The following ADAMTS17 variants were observed in gnomAD, a reference collection of about 807,000 sequenced individuals.
ADAMTS17 encodes A disintegrin and metalloproteinase with thrombospondin motifs 17.
In ADAMTS17, 113 loss-of-function variants were observed where a neutral mutation model predicts 141.5. That is an observed-to-expected ratio of 0.80 (90% confidence interval 0.69 to 0.93). ADAMTS17 has a LOEUF of 0.93. ADAMTS17 is among the 40% of genes least tolerant of loss of function. The probability of loss-of-function intolerance (pLI) is 0.00; values close to 1 mark genes in which losing one functional copy is unlikely to be tolerated. For missense variants in ADAMTS17, 1,659 were observed against 1,517.9 expected (o/e 1.09, Z -1.54); for synonymous variants, 768 against 630.6 (o/e 1.22, Z -3.27).
chr15:100,016,016 T>A (rs192084990), intron 18 of ADAMTS17, among the ~76,000 whole-genome samples: 1 of 152,368 alleles, frequency 6.6e-6, no homozygotes, highest in African/African-American at 2.4e-5. Context: ...TTCTTAGGTT[T>A]GGTTGTTTAA....
chr15:100,107,562 A>G (rs1457824471), intron 14 of ADAMTS17, among the ~76,000 whole-genome samples: 1 of 152,032 alleles, frequency 6.6e-6, no homozygotes, highest in Non-Finnish European at 1.5e-5. Flanking sequence ...ATGTTGAATC[A>G]CCAGCCCTCA....
At chr15:100,050,401 G>A (rs1010727469) in intron 17 of ADAMTS17, among the ~76,000 whole-genome samples, 7 of 152,178 alleles carry the variant, frequency 4.6e-5, no homozygotes, top group Admixed American at 1.3e-4. Flanking sequence ...CGGCACAAGC[G>A]GCAGCTAAGG....
chr15:100,213,843 A>T (rs1452935780), intron 7 of ADAMTS17, among the ~76,000 whole-genome samples: 1 of 152,250 alleles, frequency 6.6e-6, no homozygotes, highest in Non-Finnish European at 1.5e-5. Flanking sequence ...GAGAAGGGCC[A>T]TCTGGCCCCG....
chr15:100,140,510 C>CATATATATATATATATATATATATAT (rs1380147908), intron 10 of ADAMTS17, among the ~76,000 whole-genome samples: 3 of 75,174 alleles, frequency 4.0e-5, no homozygotes, highest in Non-Finnish European at 6.5e-5. Flanking sequence ...TATATATATC[C>CATATATATATATATATATATATATAT]AGTAAAGACG....
rs1246646105 is a variant in ADAMTS17, at chr15:99,986,836, ACAACGAT to A, written c.2949+6205_2949+6211del. Reference sequence around the variant, plus strand: ...TAGACCCGGCATTCAGTGGGTGAAAACAACGATCAGCATTGTTTTCTGGAAAGAGCTA... The same window carrying A: ...TAGACCCGGCATTCAGTGGGTGAAAACAGCATTGTTTTCTGGAAAGAGCTA... On this transcript the variant is annotated intron_variant, in intron 20 of 21. Coordinates refer to ENST00000268070, the MANE Select transcript of ADAMTS17 (RefSeq NM_139057.4). Among the ~76,000 whole-genome samples, 10 of 152,232 alleles carry A rather than the reference ACAACGAT, an allele frequency of 6.6e-5. No individual in the cohort carries two copies. The East Asian group carries it at 1.9e-3, about 29-fold the overall frequency.
chr15:100,235,407 A>C (rs2042625089), intron 7 of ADAMTS17, among the ~76,000 whole-genome samples: 1 of 152,076 alleles, frequency 6.6e-6, no homozygotes, highest in Non-Finnish European at 1.5e-5. Flanking sequence ...ATGCACACAC[A>C]TACGGCCAGT....
Position 99,974,514 on chromosome 15 carries a change from C to G in ADAMTS17, c.3176G>C (p.Arg1059Pro), listed in dbSNP as rs745497667. The G allele has an allele frequency of 3.7e-6, 6 of 1,614,080 alleles. No individual in the cohort carries two copies. Among genetic ancestry groups the G allele is most frequent in the Non-Finnish European group, 5.1e-6 (6 of 1,180,032 alleles). Residue 1059 changes from arginine to proline, a missense_variant, in exon 22 of 22, where the codon CGG (arginine) becomes CCG (proline). Arg to Pro is a moderately radical substitution (Grantham distance 103). Coordinates refer to ENST00000268070, the MANE Select transcript of ADAMTS17 (RefSeq NM_139057.4). ...GCAGAGGTTCTTTTCTCGGATGACC[C>G]GGCAATATACCGTCCACTGGTCTCG... ...CTRDQWTVYC[R>P]VIREKNLCQD...
intron 14 of ADAMTS17, among the ~76,000 whole-genome samples, chr15:100,098,982 G>C (rs2035932972): frequency 6.6e-6 from 1 of 152,198 alleles, no homozygotes; most frequent in South Asian, 2.1e-4. Context: ...CCACACCCTT[G>C]CTTGGTAGGA....
intron 7 of ADAMTS17, among the ~76,000 whole-genome samples, chr15:100,212,145 T>C (rs890758970): frequency 9.2e-5 from 14 of 152,178 alleles, no homozygotes; most frequent in African/African-American, 2.7e-4. Flanking sequence ...ATCATCCTCA[T>C]TCACACATGG....
chr15:100,028,902 G>A (rs1473187541), intron 18 of ADAMTS17, among the ~76,000 whole-genome samples: 4 of 152,200 alleles, frequency 2.6e-5, no homozygotes, highest in African/African-American at 9.7e-5. Context: ...GCCTTAACAG[G>A]CATCTCCTTC....
At chr15:100,340,729 A>ACAGTTTCATCCCTGC (rs2046337045) in intron 2 of ADAMTS17, among the ~76,000 whole-genome samples, 1 of 152,152 alleles carries the variant, frequency 6.6e-6, no homozygotes, top group South Asian at 2.1e-4. Context: ...CAGGGCCCTG[A>ACAGTTTCATCCCTGC]CAGTTTCATC....
At chr15:100,181,302 C>A (rs1047038930) in intron 8 of ADAMTS17, among the ~76,000 whole-genome samples, 2 of 152,180 alleles carry the variant, frequency 1.3e-5, no homozygotes, top group African/African-American at 2.4e-5. Context: ...GGTGCTCCAC[C>A]CCACTGTGGC....
At chr15:100,274,991 G>T (rs1251727164) in intron 4 of ADAMTS17, among the ~76,000 whole-genome samples, 2 of 152,218 alleles carry the variant, frequency 1.3e-5, no homozygotes, top group East Asian at 1.9e-4. Context: ...CAGCAGAATG[G>T]TTTTTTGAAA....
At chr15:100,116,150 A>AAC (rs1555454315) in intron 13 of ADAMTS17, among the ~76,000 whole-genome samples, 1 of 151,350 alleles carries the variant, frequency 6.6e-6, no homozygotes, top group African/African-American at 2.4e-5. Flanking sequence ...AAAAAAAAAA[A>AAC]AAAAAAAACC....
chr15:99,977,376 A>T (rs12907393), intron 20 of ADAMTS17, among the ~76,000 whole-genome samples: 1,313 of 16,624 alleles, frequency 0.079, 267 homozygotes, highest in Non-Finnish European at 0.12. Context: ...ATATATATAT[A>T]TATATATATA....
intron 10 of ADAMTS17, among the ~76,000 whole-genome samples, chr15:100,133,588 T>C (rs895164586): frequency 2.0e-5 from 3 of 152,004 alleles, no homozygotes; most frequent in Non-Finnish European, 4.4e-5. Context: ...GCCTAGGAGA[T>C]ATCAGAGGCA....
chr15:100,109,792 C>T (rs910902515), intron 13 of ADAMTS17, among the ~76,000 whole-genome samples: 2 of 152,116 alleles, frequency 1.3e-5, no homozygotes, highest in Non-Finnish European at 2.9e-5. Context: ...AGCCTTTGCC[C>T]GGTGTGCGCT....
At chr15:100,078,063 G>A (rs2034498701) in intron 15 of ADAMTS17, among the ~76,000 whole-genome samples, 1 of 152,124 alleles carries the variant, frequency 6.6e-6, no homozygotes, top group African/African-American at 2.4e-5. Context: ...TTTGTAAGAT[G>A]AAGACTACAA....
At chr15:100,240,142 G>A (rs2042786629) in intron 7 of ADAMTS17, among the ~76,000 whole-genome samples, 1 of 152,182 alleles carries the variant, frequency 6.6e-6, no homozygotes, top group Non-Finnish European at 1.5e-5. Flanking sequence ...GAGGGGCCCT[G>A]GGCCCCACCT....
Sources: allele counts gnomAD v4.1 joint callset (sites outside exome capture counted in the v4.1 genomes callset), GRCh38; gene constraint gnomAD v4.1.1; transcripts MANE v1.5; gene names NCBI Gene and HGNC (gene_info 2026-07-23, HGNC 2026-07-21).